Variants in TUSC3 observed in about 807,000 individuals in gnomAD.
The protein encoded by TUSC3 is tumor suppressor candidate 3.
TUSC3 carries 45 observed loss-of-function variants against 44.8 expected under a neutral mutation model. The observed-to-expected ratio is 1.00, with a 90% CI of 0.79 to 1.29. The LOEUF (loss-of-function observed/expected upper bound fraction) is 1.29, where lower values mean the gene tolerates loss of function less well. Among genes scored for constraint, TUSC3 ranks in the 50% most tolerant of loss-of-function variants. The pLI is 0.00. For synonymous variants in TUSC3, 212 were observed against 152.9 expected, an observed-to-expected ratio of 1.39 and a Z score of -2.85; for missense variants, 519 against 437.9, an observed-to-expected ratio of 1.19 and a Z score of -1.65.
chr8:15,711,508 T>A (rs892451225), intron 6 of TUSC3, among the ~76,000 whole-genome samples: 16 of 149,654 alleles, frequency 1.1e-4, no homozygotes, highest in Non-Finnish European at 1.8e-4. Flanking sequence ...TTAATATGTG[T>A]GTATATATAT....
downstream of TUSC3, among the ~76,000 whole-genome samples, chr8:15,767,369 T>C (rs1812361119): frequency 6.6e-6 from 1 of 151,492 alleles, no homozygotes; most frequent in Non-Finnish European, 1.5e-5. Context: ...TTAAAAATTA[T>C]GCATAGATGT....
At chr8:15,691,743 G>T (rs1264984717) in intron 6 of TUSC3, among the ~76,000 whole-genome samples, 1 of 151,956 alleles carries the variant, frequency 6.6e-6, no homozygotes, top group African/African-American at 2.4e-5. Flanking sequence ...TTTTTTGAAA[G>T]CCTTTCCTGT....
chr8:15,661,590 A>C (rs951728605), intron 4 of TUSC3, among the ~76,000 whole-genome samples: 1 of 151,950 alleles, frequency 6.6e-6, no homozygotes, highest in African/African-American at 2.4e-5. Context: ...CAAATATCTG[A>C]TCAAGATGTT....
chr8:15,735,892 GT>G (rs1233785067), intron 7 of TUSC3, among the ~76,000 whole-genome samples: 1 of 148,398 alleles, frequency 6.7e-6, no homozygotes, highest in Admixed American at 6.7e-5. Context: ...TGTTTTTTTG[GT>G]TTTTTTTTGT....
intron 5 of TUSC3, among the ~76,000 whole-genome samples, chr8:15,665,970 T>G (rs1197935159): frequency 6.6e-6 from 1 of 151,504 alleles, no homozygotes; most frequent in African/African-American, 2.4e-5. Flanking sequence ...CGGAGGATGG[T>G]GGACAATAAG....
chr8:15,501,636 C>T (rs1800967010), intron 2 of TUSC3, among the ~76,000 whole-genome samples: 1 of 152,132 alleles, frequency 6.6e-6, no homozygotes, highest in Middle Eastern at 3.2e-3. Flanking sequence ...AACCTGACTC[C>T]CACAGGTACT....
At chr8:15,637,666 A>T (rs4367539) in intron 2 of TUSC3, among the ~76,000 whole-genome samples, 151,313 of 151,702 alleles carry the variant, frequency 1, 75,463 homozygotes, top group Middle Eastern at 1. Context: ...CTTTTTTTTT[A>T]CCCCTTTCCT....
chr8:15,545,653 C>T (rs550087922), intron 1 of TUSC3, among the ~76,000 whole-genome samples: 26 of 151,682 alleles, frequency 1.7e-4, no homozygotes, highest in Non-Finnish European at 2.9e-4. Context: ...TCTCCACATG[C>T]ACCACCAGCA....
At chr8:15,499,232 G>A (rs896614920) in intron 2 of TUSC3, among the ~76,000 whole-genome samples, 1 of 152,030 alleles carries the variant, frequency 6.6e-6, no homozygotes, top group Non-Finnish European at 1.5e-5. Flanking sequence ...TCTCTTACCT[G>A]AAATTATTTA....
intron 1 of TUSC3, among the ~76,000 whole-genome samples, chr8:15,561,198 C>G (rs1445570405): frequency 7.7e-6 from 1 of 130,680 alleles, no homozygotes; most frequent in Non-Finnish European, 1.7e-5. Context: ...GATGTCCTTT[C>G]TGTTTGTTAG....
At chr8:15,649,226 G>A (rs151241100) in intron 2 of TUSC3, among the ~76,000 whole-genome samples, 1 of 151,994 alleles carries the variant, frequency 6.6e-6, no homozygotes, top group African/African-American at 2.4e-5. Context: ...TTTCGTTGCG[G>A]TGGGGATGAA....
intron 2 of TUSC3, among the ~76,000 whole-genome samples, chr8:15,491,885 C>T (rs957455195): frequency 2.0e-5 from 3 of 152,170 alleles, no homozygotes; most frequent in African/African-American, 7.2e-5. Context: ...GTTTTTAATG[C>T]ATTCGCTGTT....
the TUSC3 span, among the ~76,000 whole-genome samples, chr8:15,802,905 T>C: frequency 6.6e-6 from 1 of 152,002 alleles, no homozygotes; most frequent in African/African-American, 2.4e-5. Flanking sequence ...CTTAAAAAAA[T>C]CAAGAGGCAT....
At chr8:15,427,244 A>G (rs1031727244) in intron 1 of TUSC3, among the ~76,000 whole-genome samples, 10 of 67,682 alleles carry the variant, frequency 1.5e-4, no homozygotes, top group African/African-American at 4.9e-4. Context: ...TTTTTTTTTT[A>G]GTTTAGTTTA....
chr8:15,637,183 G>T (rs1261327801), intron 2 of TUSC3, among the ~76,000 whole-genome samples: 2 of 152,006 alleles, frequency 1.3e-5, no homozygotes, highest in African/African-American at 2.4e-5. Flanking sequence ...CTACTTCAGG[G>T]ACTCTAATTC....
chr8:15,559,229 C>A (rs1440033671), intron 1 of TUSC3, among the ~76,000 whole-genome samples: 1 of 141,236 alleles, frequency 7.1e-6, no homozygotes, highest in Non-Finnish European at 1.6e-5. Context: ...TTTCAAAGAA[C>A]ATCTTTATTT....
chr8:15,502,652 G>C (rs1169517058), intron 2 of TUSC3, among the ~76,000 whole-genome samples: 3 of 151,994 alleles, frequency 2.0e-5, no homozygotes, highest in Non-Finnish European at 2.9e-5. Context: ...CACCACACCT[G>C]GCTACTTTTT....
At chr8:15,753,517 AC>A (rs767487916) in intron 9 of TUSC3, among the ~76,000 whole-genome samples, 16 of 152,230 alleles carry the variant, frequency 1.1e-4, no homozygotes, top group South Asian at 2.1e-4. Flanking sequence ...AGCATTATGA[AC>A]AAAAAACCAG....
At chr8:15,510,743 T>G (rs1801122050) in intron 2 of TUSC3, among the ~76,000 whole-genome samples, 1 of 150,290 alleles carries the variant, frequency 6.7e-6, no homozygotes, top group Non-Finnish European at 1.5e-5. Context: ...GAAGTCAGTG[T>G]TACTCTCATT....
Sources: allele counts gnomAD v4.1 joint callset (sites outside exome capture counted in the v4.1 genomes callset), GRCh38; gene constraint gnomAD v4.1.1; transcripts MANE v1.5; gene names NCBI Gene and HGNC (gene_info 2026-07-23, HGNC 2026-07-21).